Variants in PCDHGA4 observed in about 807,000 individuals in gnomAD.
The protein encoded by PCDHGA4 is protocadherin gamma subfamily A, 4.
In PCDHGA4, 38 loss-of-function variants were observed where a neutral mutation model predicts 54.6. That is an observed-to-expected ratio of 0.70 (90% CI 0.54 to 0.91). The LOEUF is 0.91. Among genes scored for constraint, PCDHGA4 ranks in the 40% least tolerant of loss-of-function variants. The pLI is 0.00. For synonymous variants in PCDHGA4, 511 were observed against 512.9 expected (o/e 1.00, Z 0.05); for missense variants, 1,298 against 1,220.9 (o/e 1.06, Z -0.94).
intron 1 of PCDHGA4, chr5:141,376,734 C>T (rs1773305109): frequency 5.7e-6 from 3 of 526,518 alleles, no homozygotes; most frequent in South Asian, 4.6e-5. Context: ...GGCCGGACTG[C>T]GGACTGCAGT....
At chr5:141,448,893 C>G (rs957997508) in intron 1 of PCDHGA4, among the ~76,000 whole-genome samples, 2 of 151,948 alleles carry the variant, frequency 1.3e-5, no homozygotes, top group Non-Finnish European at 2.9e-5. Flanking sequence ...TGCAGTGAGC[C>G]GAGATCGTGC....
chr5:141,490,942 C>G lies in PCDHGA4; in HGVS notation c.2515-3865C>G. 1 of 1,613,644 alleles carries G rather than the reference C, an allele frequency of 6.2e-7. No individual in the cohort carries two copies. Among genetic ancestry groups the G allele is most frequent in the Non-Finnish European group, 8.5e-7 (1 of 1,179,760 alleles). On this transcript the variant is annotated intron_variant, in intron 1 of 3. Transcript: ENST00000571252. This position sits in a 1 kb window ranked among gnomAD's most constrained non-coding sequence, Gnocchi z 5.4. ...TAATGCCCCAGCTGTGCTGCACCCA[C>G]GGCCAGACTGGGAACACTCAGCCCC...
intron 1 of PCDHGA4, chr5:141,396,593 C>T (rs940440050): frequency 6.0e-5 from 9 of 151,044 alleles, no homozygotes; most frequent in Non-Finnish European, 1.2e-4. Flanking sequence ...GCACTCCAGC[C>T]TGGGCAACAG....
In PCDHGA4 at chr5:141,409,944, C is replaced by T. The variant is rs779095634; in HGVS notation, c.2514+52323C>T. The T allele has an allele frequency of 6.2e-7, 1 of 1,613,302 alleles. No individual in the cohort carries two copies. The highest frequency in any genetic ancestry group is 1.7e-5 in the Admixed American group (1 of 60,024). On this transcript the variant is annotated intron_variant, in intron 1 of 3. Transcript: ENST00000571252. ...GCGTTCTTCGATATGGTACCTCGCTCTGCAGAGCCCGGCTACCTAGTGACT... is the reference window on the plus strand; with the variant it reads ...GCGTTCTTCGATATGGTACCTCGCTTTGCAGAGCCCGGCTACCTAGTGACT...
chr5:141,474,022 A>G (rs929139769), intron 1 of PCDHGA4, among the ~76,000 whole-genome samples: 1 of 152,160 alleles, frequency 6.6e-6, no homozygotes, highest in African/African-American at 2.4e-5. Flanking sequence ...GTGAGCTATG[A>G]TTATTCCACT....
intron 1 of PCDHGA4, chr5:141,371,270 C>T (rs778912997): frequency 6.2e-7 from 1 of 1,613,894 alleles, no homozygotes; most frequent in African/African-American, 1.3e-5. Flanking sequence ...GACAACTGTT[C>T]AAGCTGGACA....
rs11575954 is a variant in PCDHGA4 at position 141,376,006 on chromosome 5, C to T, written c.2514+18385C>T. The T allele has an allele frequency of 4.7e-3, 7,621 of 1,612,710 alleles. 42 individuals are homozygous for T. Among genetic ancestry groups the T allele is most frequent in the Admixed American group, 8.7e-3 (524 of 59,936 alleles). On this transcript the variant is annotated intron_variant, in intron 1 of 3. Transcript: ENST00000571252. ...TGGACAGAGACGCGCTCAAGCAGAG[C>T]CTAGTGGTGGCCGTCCAGGACCACG...
rs781173070 is a variant in PCDHGA4, at chr5:141,374,478, G to T, written c.2514+16857G>T. 3.1e-6 allele frequency: 5 copies of T among 1,611,820 alleles called. No homozygotes were observed. In the Admixed American group the frequency reaches 5.0e-5, roughly 16 times the overall value. The stretch of plus-strand genomic sequence containing the variant: ...GTGGACATTAATGACAATACACCCC[G>T]ATTCTTAAAGGAAGAATTGGAAGTG... On this transcript the variant is annotated intron_variant, in intron 1 of 3. Coordinates refer to ENST00000571252, the MANE Select transcript of PCDHGA4 (RefSeq NM_018917.4).
In PCDHGA4 at chr5:141,476,686, C is replaced by T. The variant is rs138480390; in HGVS notation, c.2515-18121C>T. On this transcript the variant is annotated intron_variant, in intron 1 of 3. Coordinates refer to ENST00000571252, the MANE Select transcript of PCDHGA4 (RefSeq NM_018917.4). The surrounding 1 kb of genome is among the most constrained non-coding windows in gnomAD (Gnocchi z 7.6). ...TTCGCGTGCAGACGCGGGAGGACAGCACCAAGTACGCGGAGCTGGTGTTGG... is the reference window on the plus strand; with the variant it reads ...TTCGCGTGCAGACGCGGGAGGACAGTACCAAGTACGCGGAGCTGGTGTTGG... 6.2e-7 allele frequency: 1 copy of T among 1,614,126 alleles called. No homozygotes were observed. The highest frequency in any genetic ancestry group is 1.3e-5 in the African/African-American group (1 of 74,952).
At chr5:141,429,796 A>C (rs2097245618) in intron 1 of PCDHGA4, among the ~76,000 whole-genome samples, 1 of 152,216 alleles carries the variant, frequency 6.6e-6, no homozygotes, top group Non-Finnish European at 1.5e-5. Flanking sequence ...ATTACCAGTA[A>C]TTCTCAGTAA....
chr5:141,423,874 A>G (rs1264795133), intron 1 of PCDHGA4: 2 of 1,283,268 alleles, frequency 1.6e-6, no homozygotes, highest in East Asian at 3.1e-5. Context: ...GTCATTTTTC[A>G]ATCTTGGCAT....
chr5:141,361,602 C>G (rs571629532), intron 1 of PCDHGA4: 1 of 1,613,936 alleles, frequency 6.2e-7, no homozygotes, highest in Non-Finnish European at 8.5e-7. Flanking sequence ...AAGTTTCCTA[C>G]TCCATCGTAG....
chr5:141,424,878 G>A (rs1455273258), intron 1 of PCDHGA4, among the ~76,000 whole-genome samples: 2 of 152,162 alleles, frequency 1.3e-5, no homozygotes, highest in African/African-American at 4.8e-5. Context: ...GAGGAAAGGA[G>A]ACTTATCTAG....
At chr5:141,404,859 A>G in intron 1 of PCDHGA4, 1 of 1,613,494 alleles carries the variant, frequency 6.2e-7, no homozygotes, top group South Asian at 1.1e-5. Flanking sequence ...CTAGATAGAG[A>G]TGCGCTCAAA....
At chr5:141,390,237 G>A (rs748278212) in intron 1 of PCDHGA4, 2 of 1,614,004 alleles carry the variant, frequency 1.2e-6, no homozygotes, top group Non-Finnish European at 1.7e-6. Flanking sequence ...TTCATCTGGG[G>A]CCTTATTTCC....
intron 1 of PCDHGA4, chr5:141,403,656 C>G: frequency 6.2e-7 from 1 of 1,613,894 alleles, no homozygotes. Flanking sequence ...GTGTTGGATA[C>G]AAATGATAAT....
At chr5:141,423,147 G>A (rs545052756) in intron 1 of PCDHGA4, 4 of 1,613,578 alleles carry the variant, frequency 2.5e-6, no homozygotes, top group African/African-American at 2.7e-5. Context: ...ACGCGCTCAA[G>A]CAGAGCCTCG....
At chr5:141,480,745 C>T (rs528415324) in intron 1 of PCDHGA4, among the ~76,000 whole-genome samples, 1 of 152,278 alleles carries the variant, frequency 6.6e-6, no homozygotes, top group Non-Finnish European at 1.5e-5. Flanking sequence ...ACATAGGCAT[C>T]ATTTTTTGAA....
chr5:141,398,356 G>C (rs1242233046), intron 1 of PCDHGA4: 7 of 1,409,380 alleles, frequency 5.0e-6, no homozygotes, highest in East Asian at 2.4e-5. Context: ...TTACTTCACC[G>C]TGAGCGCAGA....
Sources: gnomAD v4.1 joint callset for allele counts (sites outside exome capture counted in the v4.1 genomes callset) on GRCh38, gnomAD v4.1.1 for gene constraint, Gnocchi (gnomAD v3.1) non-coding constraint, MANE v1.5 for transcripts, NCBI Gene and HGNC (gene_info 2026-07-23, HGNC 2026-07-21) for gene names.